Variants in EYS observed in about 807,000 individuals in gnomAD.
EYS encodes the protein EGF-like photoreceptor maintenance factor, also known as protein eyes shut homolog.
Under a neutral mutation model 282.1 loss-of-function variants are expected in EYS, and 250 were observed. The observed-to-expected ratio is 0.89, with a 90% CI of 0.80 to 0.98. EYS has a LOEUF of 0.98. EYS is among the 50% of genes least tolerant of loss of function. The probability of loss-of-function intolerance (pLI) is 0.00; values close to 1 mark genes in which losing one functional copy is unlikely to be tolerated. For synonymous variants in EYS, 1,355 were observed against 1,282.9 expected, an observed-to-expected ratio of 1.06 and a Z score of -1.20; for missense variants, 4,016 against 3,709.0, an observed-to-expected ratio of 1.08 and a Z score of -2.15.
chr6:64,842,700 C>A (rs1286331670), intron 19 of EYS, among the ~76,000 whole-genome samples: 1 of 151,990 alleles, frequency 6.6e-6, no homozygotes, highest in East Asian at 1.9e-4. Context: ...ACTGGTGGTA[C>A]TTTGGACCTG....
chr6:63,806,028 G>A (rs1474000223), intron 37 of EYS, among the ~76,000 whole-genome samples, 162 bp downstream of exon 37: 1 of 152,228 alleles, frequency 6.6e-6, no homozygotes, highest in Non-Finnish European at 1.5e-5. Flanking sequence ...GAACTGCTAA[G>A]TACTTTGGAC....
intron 28 of EYS, among the ~76,000 whole-genome samples, chr6:64,390,786 C>G (rs571619063): frequency 1.7e-4 from 26 of 148,890 alleles, no homozygotes; most frequent in Middle Eastern, 3.4e-3. Context: ...ATGACTTTGA[C>G]GAGCTGAGAG....
intron 12 of EYS, among the ~76,000 whole-genome samples, chr6:65,284,008 T>C (rs1397397117): frequency 2.0e-5 from 3 of 152,172 alleles, no homozygotes; most frequent in Non-Finnish European, 2.9e-5. Flanking sequence ...GACTGAATGT[T>C]ATATACGTTT....
intron 26 of EYS, among the ~76,000 whole-genome samples, chr6:64,478,901 A>C (rs920328622): frequency 1.3e-5 from 2 of 151,692 alleles, no homozygotes; most frequent in Non-Finnish European, 3.0e-5. Flanking sequence ...TTATTTTTTC[A>C]GGGTTTTAGA....
intron 12 of EYS, among the ~76,000 whole-genome samples, chr6:65,258,914 A>G (rs1767542866): frequency 6.6e-6 from 1 of 152,080 alleles, no homozygotes; most frequent in South Asian, 2.1e-4. Flanking sequence ...AATTTTGGGG[A>G]AAAAGAAAAA....
At chr6:65,210,129 A>T (rs1200353028) in intron 12 of EYS, among the ~76,000 whole-genome samples, 1 of 152,038 alleles carries the variant, frequency 6.6e-6, no homozygotes, top group Non-Finnish European at 1.5e-5. Flanking sequence ...TATGTTACCA[A>T]ACATGAAATG....
At chr6:64,413,047 G>A (rs961053925) in intron 28 of EYS, among the ~76,000 whole-genome samples, 1 of 152,150 alleles carries the variant, frequency 6.6e-6, no homozygotes, top group Non-Finnish European at 1.5e-5. Flanking sequence ...TATACAGGCT[G>A]CAAGGAGCAG....
intron 12 of EYS, among the ~76,000 whole-genome samples, chr6:65,182,901 A>G (rs1581991896): frequency 6.6e-6 from 1 of 151,620 alleles, no homozygotes; most frequent in Non-Finnish European, 1.5e-5. Context: ...TGATCCTCCC[A>G]CCCCAGCCTC....
intron 33 of EYS, among the ~76,000 whole-genome samples, chr6:64,063,019 C>A (rs1017628449): frequency 2.0e-5 from 3 of 152,324 alleles, no homozygotes; most frequent in East Asian, 3.9e-4. Context: ...CCATTGCCTT[C>A]CATGACACTC....
At chr6:65,664,486 T>C (rs1248151670) in intron 1 of EYS, among the ~76,000 whole-genome samples, 1 of 152,050 alleles carries the variant, frequency 6.6e-6, no homozygotes, top group Non-Finnish European at 1.5e-5. Context: ...TTAAAGAAAG[T>C]TGAAGAGAGG....
intron 30 of EYS, among the ~76,000 whole-genome samples, chr6:64,305,855 C>A (rs1036758779): frequency 1.3e-5 from 2 of 152,040 alleles, no homozygotes; most frequent in African/African-American, 4.8e-5. Flanking sequence ...ACCAAATGCA[C>A]AGGCAATGAA....
intron 14 of EYS, among the ~76,000 whole-genome samples, chr6:64,988,653 AT>A (rs1476598431): frequency 6.6e-6 from 1 of 151,574 alleles, no homozygotes; most frequent in Non-Finnish European, 1.5e-5. Context: ...ATTTTAAAAA[AT>A]ATTATAGAGC....
rs758064678 is a variant in EYS, at chr6:65,141,623, GAGTC to G, written c.2024-83900_2024-83897del. Among the ~76,000 whole-genome samples the G allele has an allele frequency of 4.1e-5, 6 of 144,714 alleles. No homozygotes were observed. In the East Asian group the frequency reaches 1.2e-3, roughly 30 times the overall value. The allele number at this position is 144,714 out of a possible 152,430, so 94.9% of individuals were successfully genotyped here. On this transcript the variant is annotated intron_variant, in intron 12 of 42. Transcript: ENST00000503581. ...CACATCTATTCAAACTGAAGTCAGT[GAGTC>G]AGTCTGTCTGTCTGTCTGTCTGTCT...
At chr6:63,876,302 T>C (rs1319723535) in intron 35 of EYS, among the ~76,000 whole-genome samples, 1 of 152,256 alleles carries the variant, frequency 6.6e-6, no homozygotes, top group Non-Finnish European at 1.5e-5. Context: ...TTTTTAATCC[T>C]GTGTTCTGGT....
At position 63,806,362 on chromosome 6, in the gene EYS, A is replaced by G. The variant is rs776743787; in HGVS notation, c.7239T>C (p.Ile2413=). The G allele has an allele frequency of 8.0e-5, 124 of 1,545,018 alleles. 1 individual carries two copies. The Admixed American group carries it at 1.3e-3, about 16-fold the overall frequency. ...SGPLCTDAIN[I]TQPRFSGTDA... The stretch of plus-strand genomic sequence containing the variant: ...CTGTGCCACTGAACCTTGGCTGAGT[A>G]ATATTAATAGCTGTGAAAAAACCCA... Residue 2413 remains isoleucine (I), a synonymous_variant, in exon 37 of 43, where the codon ATT becomes ATC. Transcript: ENST00000503581.
intron 2 of EYS, among the ~76,000 whole-genome samples, chr6:65,608,880 C>T (rs999663469): frequency 7.9e-5 from 12 of 151,948 alleles, no homozygotes; most frequent in Non-Finnish European, 1.8e-4. Flanking sequence ...ACATTTTGTC[C>T]CACAGAAAGG....
chr6:65,358,423 A>G (rs1461616517), intron 8 of EYS, among the ~76,000 whole-genome samples: 1 of 151,984 alleles, frequency 6.6e-6, no homozygotes, highest in Non-Finnish European at 1.5e-5. Flanking sequence ...TTTAAAAGCT[A>G]AAAGTCTTAT....
chr6:64,061,697 G>T (rs983965101), intron 33 of EYS, among the ~76,000 whole-genome samples: 1 of 152,144 alleles, frequency 6.6e-6, no homozygotes, highest in Non-Finnish European at 1.5e-5. Flanking sequence ...TTGAAAATAA[G>T]TTTTTATTAG....
intron 29 of EYS, among the ~76,000 whole-genome samples, chr6:64,353,171 T>C (rs1042304759): frequency 3.3e-5 from 5 of 151,494 alleles, no homozygotes; most frequent in Admixed American, 6.6e-5. Context: ...ATTCCTGGCA[T>C]TTATTTTAAA....
Sources: gnomAD v4.1 joint callset for allele counts (sites outside exome capture counted in the v4.1 genomes callset) on GRCh38, gnomAD v4.1.1 for gene constraint, MANE v1.5 for transcripts, NCBI Gene and HGNC (gene_info 2026-07-23, HGNC 2026-07-21) for gene names.